The following SGCZ variants were observed in gnomAD, a reference collection of about 807,000 sequenced individuals.
SGCZ encodes sarcoglycan zeta.
SGCZ carries 40 observed loss-of-function variants against 41.3 expected under a neutral mutation model. The ratio of observed to expected loss-of-function variants is 0.97; its 90% CI spans 0.75 to 1.26. SGCZ has a LOEUF of 1.26. SGCZ is among the 50% of genes most tolerant of loss of function. The pLI is 0.00. For missense variants in SGCZ, 552 were observed against 369.8 expected (o/e 1.49, Z -4.04); for synonymous variants, 206 against 137.5 (o/e 1.50, Z -3.49).
At chr8:14,496,843 T>C (rs900215839) in intron 2 of SGCZ, among the ~76,000 whole-genome samples, 46 of 152,216 alleles carry the variant, frequency 3.0e-4, no homozygotes, top group Non-Finnish European at 2.9e-4. Context: ...CAAGAGTGTA[T>C]ACATTTTTCT....
chr8:14,147,832 TA>T (rs886837121), intron 5 of SGCZ, among the ~76,000 whole-genome samples: 2 of 151,994 alleles, frequency 1.3e-5, no homozygotes, highest in African/African-American at 4.8e-5. Context: ...TGAAAACATT[TA>T]AAAAAATGGA....
chr8:15,032,067 C>A (rs974143779), intron 1 of SGCZ, among the ~76,000 whole-genome samples: 2 of 152,072 alleles, frequency 1.3e-5, no homozygotes, highest in African/African-American at 4.8e-5. Context: ...TTTGCACAAA[C>A]AACTTCTCTG....
In SGCZ at chr8:15,005,051, C is replaced by A. The variant is rs75094364; in HGVS notation, c.39+232534G>T. On this transcript the variant is annotated intron_variant, in intron 1 of 7. Coordinates refer to ENST00000382080, the MANE Select transcript of SGCZ (RefSeq NM_139167.4). Reference sequence around the variant, plus strand: ...GATGTTCTATACTCTGCTCTTCTTTCTAGATCACTTCACACGGTGCGCTAG... The same window carrying A: ...GATGTTCTATACTCTGCTCTTCTTTATAGATCACTTCACACGGTGCGCTAG... Among the ~76,000 whole-genome samples the A allele has an allele frequency of 7.1e-3, 1,083 of 152,278 alleles. 14 individuals are homozygous for A. The highest frequency in any genetic ancestry group is 0.025 in the African/African-American group (1,039 of 41,560).
At chr8:14,832,442 T>C (rs779379476) in intron 1 of SGCZ, among the ~76,000 whole-genome samples, 5 of 152,086 alleles carry the variant, frequency 3.3e-5, no homozygotes, top group Non-Finnish European at 5.9e-5. Context: ...TGGTTAGAAA[T>C]AAAATGAGGG....
intron 1 of SGCZ, among the ~76,000 whole-genome samples, chr8:14,889,239 C>G (rs1212591538): frequency 1.3e-5 from 2 of 151,758 alleles, no homozygotes; most frequent in African/African-American, 4.8e-5. Context: ...TTTTTGAATT[C>G]CACCCTCTCA....
At chr8:15,016,535 A>ACCAGGAAC (rs1245031348) in intron 1 of SGCZ, among the ~76,000 whole-genome samples, 1 of 152,208 alleles carries the variant, frequency 6.6e-6, no homozygotes, top group Non-Finnish European at 1.5e-5. Context: ...AGGGGCGTAG[A>ACCAGGAAC]CCAGGAACGC....
intron 1 of SGCZ, among the ~76,000 whole-genome samples, chr8:14,657,571 T>C (rs1055397310): frequency 6.6e-6 from 1 of 152,140 alleles, no homozygotes; most frequent in African/African-American, 2.4e-5. Context: ...TTATTCTTTT[T>C]CTTGGGAACT....
At chr8:14,506,296 T>C (rs1206583244) in intron 2 of SGCZ, among the ~76,000 whole-genome samples, 1 of 152,146 alleles carries the variant, frequency 6.6e-6, no homozygotes, top group African/African-American at 2.4e-5. Context: ...CTCTATCTTC[T>C]CTCTTGTTAA....
At chr8:15,150,038 A>T (rs1048789048) in intron 1 of SGCZ, among the ~76,000 whole-genome samples, 1 of 152,294 alleles carries the variant, frequency 6.6e-6, no homozygotes, top group East Asian at 1.9e-4. Context: ...GCAAGCTGTC[A>T]AACAGCCACC....
At chr8:14,986,299 T>C (rs1801823774) in intron 1 of SGCZ, among the ~76,000 whole-genome samples, 1 of 152,112 alleles carries the variant, frequency 6.6e-6, no homozygotes, top group Non-Finnish European at 1.5e-5. Context: ...AACTGGTAAT[T>C]ACCACTAAGG....
intron 1 of SGCZ, among the ~76,000 whole-genome samples, chr8:14,608,099 C>T (rs955768702): frequency 6.6e-5 from 10 of 152,086 alleles, no homozygotes; most frequent in Admixed American, 6.6e-5. Flanking sequence ...TGACTTCCAG[C>T]ACAACAATAC....
chr8:14,508,643 T>A (rs1437763675), intron 2 of SGCZ, among the ~76,000 whole-genome samples: 3 of 152,126 alleles, frequency 2.0e-5, no homozygotes, highest in Non-Finnish European at 4.4e-5. Context: ...TGGCATTCCA[T>A]CAAAAATCTG....
chr8:14,478,168 A>G (rs1801414547), intron 2 of SGCZ, among the ~76,000 whole-genome samples: 1 of 152,232 alleles, frequency 6.6e-6, no homozygotes, highest in African/African-American at 2.4e-5. Context: ...ATCTTATCAT[A>G]TAATCTAGCA....
intron 1 of SGCZ, among the ~76,000 whole-genome samples, chr8:15,023,008 G>A (rs932223029): frequency 2.6e-5 from 4 of 152,152 alleles, no homozygotes; most frequent in Non-Finnish European, 5.9e-5. Context: ...TTAAACTACT[G>A]TGGGCATTTT....
At chr8:15,067,534 G>T (rs1417988701) in intron 1 of SGCZ, among the ~76,000 whole-genome samples, 1 of 152,076 alleles carries the variant, frequency 6.6e-6, no homozygotes, top group African/African-American at 2.4e-5. Context: ...CTATTCCCTA[G>T]CGCCCTTGGC....
intron 2 of SGCZ, among the ~76,000 whole-genome samples, chr8:14,339,143 G>A (rs1311273469): frequency 1.3e-5 from 2 of 151,924 alleles, no homozygotes; most frequent in African/African-American, 2.4e-5. Flanking sequence ...TCAGTGCTAC[G>A]AAAGCACTTT....
intron 5 of SGCZ, among the ~76,000 whole-genome samples, chr8:14,130,394 T>G (rs755782461): frequency 6.6e-6 from 1 of 152,078 alleles, no homozygotes; most frequent in Non-Finnish European, 1.5e-5. Context: ...AAAAGAATCA[T>G]AGCTGTTAAG....
intron 5 of SGCZ, among the ~76,000 whole-genome samples, chr8:14,130,291 G>C (rs1481592971): frequency 6.9e-6 from 1 of 144,552 alleles, no homozygotes; most frequent in East Asian, 2.0e-4. Flanking sequence ...CCTCTAAAAT[G>C]AAAAAAAAAA....
chr8:14,105,661 T>G (rs1241931878), intron 6 of SGCZ, among the ~76,000 whole-genome samples: 1 of 152,128 alleles, frequency 6.6e-6, no homozygotes, highest in Non-Finnish European at 1.5e-5. Context: ...GTTGCCAGTC[T>G]GCTTTTAGAA....
Sources: allele counts gnomAD v4.1 joint callset (sites outside exome capture counted in the v4.1 genomes callset), GRCh38; gene constraint gnomAD v4.1.1; transcripts MANE v1.5; gene names NCBI Gene and HGNC (gene_info 2026-07-23, HGNC 2026-07-21).